Variants in HPSE2 observed in about 807,000 individuals in gnomAD.
HPSE2 encodes inactive heparanase-2.
In HPSE2, 38 loss-of-function variants were observed where a neutral mutation model predicts 60.5. The ratio of observed to expected loss-of-function variants is 0.63; its 90% CI spans 0.48 to 0.82. The LOEUF (loss-of-function observed/expected upper bound fraction) is 0.82, where lower values mean the gene tolerates loss of function less well. Ranked by LOEUF, HPSE2 falls within the 40% of genes least tolerant of loss-of-function variation. The probability of loss-of-function intolerance (pLI) is 0.00; values close to 1 mark genes in which losing one functional copy is unlikely to be tolerated. For missense variants in HPSE2, 713 were observed against 740.4 expected, an observed-to-expected ratio of 0.96 and a Z score of 0.43; for synonymous variants, 295 against 293.2, an observed-to-expected ratio of 1.01 and a Z score of -0.06.
At chr10:99,082,127 G>T (rs111316457) in intron 3 of HPSE2, among the ~76,000 whole-genome samples, 3 of 152,046 alleles carry the variant, frequency 2.0e-5, no homozygotes, top group Admixed American at 6.6e-5. Context: ...TGCTGCACAC[G>T]AATTTATAAA....
chr10:98,497,733 GT>G (rs1474204599), intron 9 of HPSE2, among the ~76,000 whole-genome samples: 1 of 151,858 alleles, frequency 6.6e-6, no homozygotes, highest in Admixed American at 6.6e-5. Context: ...ATACTCATTT[GT>G]TTTTCCAAAT....
At chr10:98,887,887 G>A (rs941828746) in intron 3 of HPSE2, among the ~76,000 whole-genome samples, 1 of 148,324 alleles carries the variant, frequency 6.7e-6, no homozygotes, top group East Asian at 2.0e-4. Flanking sequence ...CCTCAATAAG[G>A]TACAGTTGTA....
At chr10:98,921,286 AT>A (rs950939680) in intron 3 of HPSE2, among the ~76,000 whole-genome samples, 9 of 152,226 alleles carry the variant, frequency 5.9e-5, no homozygotes, top group Admixed American at 5.9e-4. Flanking sequence ...TAGTGGAAGC[AT>A]CTGCTCTGAG....
the HPSE2 span, among the ~76,000 whole-genome samples, chr10:99,251,922 G>A: frequency 1.6e-4 from 23 of 147,058 alleles, no homozygotes; most frequent in East Asian, 2.6e-3. Flanking sequence ...GCCTGTAGTC[G>A]CAGCTACTCA....
At chr10:99,003,167 C>A (rs1329452872) in intron 3 of HPSE2, among the ~76,000 whole-genome samples, 1 of 152,044 alleles carries the variant, frequency 6.6e-6, no homozygotes, top group Non-Finnish European at 1.5e-5. Context: ...TCCATGTTGT[C>A]ACAAATGACA....
At chr10:99,203,414 T>C (rs71488006) in intron 2 of HPSE2, among the ~76,000 whole-genome samples, 11,814 of 151,896 alleles carry the variant, frequency 0.078, 605 homozygotes, top group South Asian at 0.18. Context: ...CCAATCCTAC[T>C]CCAGGTTTCA....
chr10:98,568,467 G>C (rs549346144), intron 9 of HPSE2, among the ~76,000 whole-genome samples: 62 of 152,286 alleles, frequency 4.1e-4, no homozygotes, highest in Non-Finnish European at 8.1e-4. Context: ...TGCTCTAGGA[G>C]GGATGGGTAG....
intron 2 of HPSE2, among the ~76,000 whole-genome samples, chr10:99,182,735 C>T (rs1447231683): frequency 2.0e-5 from 3 of 152,086 alleles, no homozygotes; most frequent in African/African-American, 7.2e-5. Context: ...CAGTGGCTCA[C>T]ACCTGTAAAT....
intron 3 of HPSE2, among the ~76,000 whole-genome samples, chr10:98,865,750 A>G (rs1382686248): frequency 6.6e-6 from 1 of 152,142 alleles, no homozygotes; most frequent in Non-Finnish European, 1.5e-5. Flanking sequence ...AAGACTGAAA[A>G]TAGTACTTAT....
chr10:98,519,311 A>AC (rs1942709030), intron 9 of HPSE2, among the ~76,000 whole-genome samples: 1 of 152,238 alleles, frequency 6.6e-6, no homozygotes, highest in Admixed American at 6.5e-5. Context: ...CACAGCCAGG[A>AC]AAGTCTCTGT....
At chr10:98,893,730 A>G (rs1478279486) in intron 3 of HPSE2, among the ~76,000 whole-genome samples, 6 of 152,186 alleles carry the variant, frequency 3.9e-5, no homozygotes, top group African/African-American at 4.8e-5. Flanking sequence ...AGTAAGCACT[A>G]AAGCCAAAAG....
chr10:98,986,744 A>G (rs961840979), intron 3 of HPSE2, among the ~76,000 whole-genome samples: 1 of 151,784 alleles, frequency 6.6e-6, no homozygotes, highest in Non-Finnish European at 1.5e-5. Flanking sequence ...ATAGACTGCT[A>G]GCTAGACTAA....
intron 3 of HPSE2, among the ~76,000 whole-genome samples, chr10:98,929,916 T>G (rs1954594713): frequency 6.9e-6 from 1 of 144,016 alleles, no homozygotes; most frequent in Non-Finnish European, 1.5e-5. Context: ...CAATAAAATT[T>G]CAGTGCCCAT....
At chr10:99,207,803 C>G (rs1848809802) in intron 2 of HPSE2, among the ~76,000 whole-genome samples, 1 of 151,708 alleles carries the variant, frequency 6.6e-6, no homozygotes, top group South Asian at 2.1e-4. Context: ...GGTTTAATAG[C>G]CACCCCCCAC....
intron 9 of HPSE2, among the ~76,000 whole-genome samples, chr10:98,520,223 T>C (rs1023197149): frequency 1.3e-5 from 2 of 152,184 alleles, no homozygotes; most frequent in African/African-American, 2.4e-5. Context: ...GAAGGGGCCA[T>C]TCCTGATTCT....
At chr10:99,250,043 T>C in the HPSE2 span, among the ~76,000 whole-genome samples, 1 of 150,838 alleles carries the variant, frequency 6.6e-6, no homozygotes, top group Non-Finnish European at 1.5e-5. Flanking sequence ...CTCAGGAGGC[T>C]GAGGCAGGAG....
At chr10:98,839,608 G>C (rs1470482097) in intron 3 of HPSE2, among the ~76,000 whole-genome samples, 1 of 152,194 alleles carries the variant, frequency 6.6e-6, no homozygotes, top group African/African-American at 2.4e-5. Flanking sequence ...GACCAAGCCT[G>C]ATTCATTTTT....
chr10:98,883,986 G>T (rs1050009283), intron 3 of HPSE2, among the ~76,000 whole-genome samples: 2 of 152,064 alleles, frequency 1.3e-5, no homozygotes, highest in Non-Finnish European at 2.9e-5. Flanking sequence ...ACTTGTTAAT[G>T]TAAAGAAAAA....
At chr10:98,546,187 A>G (rs1271659379) in intron 9 of HPSE2, among the ~76,000 whole-genome samples, 1 of 138,552 alleles carries the variant, frequency 7.2e-6, no homozygotes, top group Non-Finnish European at 1.6e-5. Context: ...TTCCATGCTC[A>G]TGGGTAGGAA....
Sources: allele counts gnomAD v4.1 joint callset (sites outside exome capture counted in the v4.1 genomes callset), GRCh38; gene constraint gnomAD v4.1.1; transcripts MANE v1.5; gene names NCBI Gene and HGNC (gene_info 2026-07-23, HGNC 2026-07-21).